PLXNA2: variants seen among roughly 807,000 people sequenced by gnomAD.
PLXNA2 encodes the protein plexin-A2.
In PLXNA2, 91 loss-of-function variants were observed where a neutral mutation model predicts 193.5. The observed-to-expected ratio is 0.47, with a 90% CI of 0.40 to 0.56. The LOEUF is 0.56. PLXNA2 is among the 20% of genes least tolerant of loss of function. PLXNA2 has a pLI of 0.00. For missense variants in PLXNA2, 1,995 were observed against 2,503.2 expected (o/e 0.80, Z 4.33); for synonymous variants, 997 against 1,027.3 (o/e 0.97, Z 0.56).
rs148696030 is a variant in PLXNA2 at position 208,212,819 on chromosome 1, G to A, written c.1189-2357C>T. Among the ~76,000 whole-genome samples the A allele has an allele frequency of 6.3e-3, 964 of 152,216 alleles. 8 individuals are homozygous for A. The highest frequency in any genetic ancestry group is 0.01 in the Middle Eastern group (3 of 294). Reference sequence around the variant, plus strand: ...TCCTCATCTCATCCCTACACTACACGCAGCTACTGCCCTGGCTAAGATGAA... The same window carrying A: ...TCCTCATCTCATCCCTACACTACACACAGCTACTGCCCTGGCTAAGATGAA... On this transcript the variant is annotated intron_variant, in intron 2 of 31. Transcript: ENST00000367033.
At chr1:208,222,208 A>G (rs1428372671) in intron 1 of PLXNA2, among the ~76,000 whole-genome samples, 3 of 151,918 alleles carry the variant, frequency 2.0e-5, no homozygotes, top group South Asian at 2.1e-4. Context: ...CCTATCCCCA[A>G]TTTTCTGCTA....
At chr1:208,232,323 G>C (rs1475521068) in intron 1 of PLXNA2, among the ~76,000 whole-genome samples, 1 of 152,204 alleles carries the variant, frequency 6.6e-6, no homozygotes, top group Non-Finnish European at 1.5e-5. Flanking sequence ...TGCAGTCCCT[G>C]CAGCCAGCCC....
chr1:208,144,404 G>A (rs112192418), intron 3 of PLXNA2, among the ~76,000 whole-genome samples: 7,861 of 152,282 alleles, frequency 0.052, 275 homozygotes, highest in Non-Finnish European at 0.076. Context: ...TTGAACCAGG[G>A]CTTGGTCTGT....
intron 26 of PLXNA2, among the ~76,000 whole-genome samples, chr1:208,037,686 C>T (rs951166700): frequency 1.8e-4 from 27 of 151,948 alleles, no homozygotes; most frequent in East Asian, 1.7e-3. Context: ...GGAGAAGAGG[C>T]GGGAGTAGAT....
chr1:208,059,268 C>A (rs1420105913), intron 13 of PLXNA2, among the ~76,000 whole-genome samples: 1 of 152,238 alleles, frequency 6.6e-6, no homozygotes. Flanking sequence ...CTATTTGTTT[C>A]CTTTCCCTTT....
chr1:208,211,501 G>A (rs1337975172), intron 2 of PLXNA2, among the ~76,000 whole-genome samples: 1 of 152,140 alleles, frequency 6.6e-6, no homozygotes, highest in African/African-American at 2.4e-5. Context: ...AGACCATTCT[G>A]GCCAACATAG....
chr1:208,244,311 G>T lies in PLXNA2; in HGVS notation c.-749C>A. 2.7e-5 allele frequency: 1 copy of T among 37,678 alleles called. No homozygotes were observed. 2.3% of individuals were successfully genotyped at this position (37,678 alleles called of 1,614,324 possible). A position where few individuals can be genotyped will look rare whatever the true frequency, so the allele number is the denominator to read the frequency against. On this transcript the variant is annotated 5_prime_UTR_variant, in exon 1 of 32. Coordinates refer to ENST00000367033, the MANE Select transcript of PLXNA2 (RefSeq NM_025179.4). ...CAGCTCTGGCTCCCGCGGTGGCGGC[G>T]GCGGCGGCGGCGGCGGCGGCGGCGG...
At chr1:208,061,705 C>T (rs944436212) in intron 12 of PLXNA2, among the ~76,000 whole-genome samples, 12 of 152,174 alleles carry the variant, frequency 7.9e-5, no homozygotes, top group African/African-American at 2.4e-4. Flanking sequence ...TAGCAGAATC[C>T]AGGTCTCTCA....
intron 3 of PLXNA2, among the ~76,000 whole-genome samples, chr1:208,146,017 G>T (rs754151154): frequency 1.3e-5 from 2 of 152,130 alleles, no homozygotes; most frequent in South Asian, 4.1e-4. Flanking sequence ...TTCAAGATAC[G>T]TATAGGGGGT....
Position 208,028,263 on chromosome 1 carries a change from C to T in PLXNA2, c.5439-104G>A, listed in dbSNP as rs981835098. 11 of 1,051,076 alleles carry T rather than the reference C, an allele frequency of 1.0e-5. No homozygotes were observed. The highest frequency in any genetic ancestry group is 1.4e-5 in the Non-Finnish European group (10 of 734,444). The allele number at this position is 1,051,076 out of a possible 1,614,324, so 65.1% of individuals were successfully genotyped here. A position where few individuals can be genotyped will look rare whatever the true frequency, so the allele number is the denominator to read the frequency against. On this transcript the variant is annotated intron_variant, in intron 30 of 31. Coordinates refer to ENST00000367033, the MANE Select transcript of PLXNA2 (RefSeq NM_025179.4). This position sits in a 1 kb window ranked among gnomAD's most constrained non-coding sequence, Gnocchi z 4.2. ...GAGGGCACTGATGTACCCAGTTGCT[C>T]CTGCCTCCCTATTTCTCTTCTGATG... is the stretch of plus-strand genomic sequence containing the variant.
At chr1:208,112,670 T>C (rs571569917) in intron 4 of PLXNA2, among the ~76,000 whole-genome samples, 19 of 152,152 alleles carry the variant, frequency 1.2e-4, no homozygotes, top group Non-Finnish European at 2.8e-4. Context: ...GAGCTACGAT[T>C]GTTTATCTAT....
chr1:208,040,499 T>C (rs1011867914), intron 22 of PLXNA2, among the ~76,000 whole-genome samples: 4 of 152,204 alleles, frequency 2.6e-5, no homozygotes, highest in Non-Finnish European at 5.9e-5. Flanking sequence ...GGAAGGTGCC[T>C]GGTCCCTTCC....
Position 208,082,236 on chromosome 1 carries a change from C to T in PLXNA2, c.2395+176G>A, listed in dbSNP as rs1666368020. Reference sequence around the variant, plus strand: ...GCTCTGGTTGTAATAAAACAGGGCTCCCAACAGGACTCCTTTGATGACTCC... The same window carrying T: ...GCTCTGGTTGTAATAAAACAGGGCTTCCAACAGGACTCCTTTGATGACTCC... On this transcript the variant is annotated intron_variant, in intron 11 of 31. Transcript: ENST00000367033. This position sits in a 1 kb window ranked among gnomAD's most constrained non-coding sequence, Gnocchi z 4.2. 6.6e-6 allele frequency among the ~76,000 whole-genome samples: 1 copy of T among 152,124 alleles called. No homozygotes were observed. The highest frequency in any genetic ancestry group is 2.1e-4 in the South Asian group (1 of 4,824).
intron 3 of PLXNA2, among the ~76,000 whole-genome samples, chr1:208,187,440 G>A (rs1020464431): frequency 1.9e-4 from 29 of 152,262 alleles, no homozygotes; most frequent in African/African-American, 6.5e-4. Flanking sequence ...TGGAAGGGAG[G>A]GAAGCAGGAG....
intron 3 of PLXNA2, among the ~76,000 whole-genome samples, chr1:208,207,749 C>A (rs1054152196): frequency 6.6e-6 from 1 of 151,994 alleles, no homozygotes; most frequent in African/African-American, 2.4e-5. Context: ...GGGGTGGGAG[C>A]AAGTAAGCTG....
chr1:208,210,395 A>T lies in PLXNA2; in HGVS notation c.1256T>A (p.Val419Glu). ...INQPLGGSTP[V>E]EGLTLYTTSR... is the part of the protein sequence containing the mutation. Reference sequence around the variant, plus strand: ...GGTGGTGTACAGGGTCAGGCCCTCCACTGGAGTTGAGCCTCCCAGGGGCTG... The same window carrying T: ...GGTGGTGTACAGGGTCAGGCCCTCCTCTGGAGTTGAGCCTCCCAGGGGCTG... The change falls in exon 3 of 32, where the codon GTG becomes GAG. Residue 419 changes from valine to glutamate, a missense_variant. By Grantham distance (121) the Val-to-Glu change is moderately radical. Around this residue, in one of 3 missense-constraint regions of PLXNA2, gnomAD observed 702 missense variants for 812.9 expected, o/e 0.86. Coordinates refer to ENST00000367033, the MANE Select transcript of PLXNA2 (RefSeq NM_025179.4). 6.2e-7 allele frequency: 1 copy of T among 1,614,008 alleles called. No individual in the cohort carries two copies. Among genetic ancestry groups the T allele is most frequent in the East Asian group, 2.2e-5 (1 of 44,858 alleles).
intron 3 of PLXNA2, among the ~76,000 whole-genome samples, chr1:208,170,812 C>T (rs1352087773): frequency 1.3e-5 from 2 of 152,012 alleles, no homozygotes; most frequent in Admixed American, 1.3e-4. Flanking sequence ...TGATAAATAT[C>T]CTGGCAGTAT....
At chr1:208,188,724 A>G (rs11119005) in intron 3 of PLXNA2, among the ~76,000 whole-genome samples, 27,512 of 151,326 alleles carry the variant, frequency 0.18, 3,440 homozygotes, top group East Asian at 0.55. Context: ...AAAAAAAAAA[A>G]AAGAAAAAAA....
At chr1:208,176,529 C>T (rs1407336241) in intron 3 of PLXNA2, among the ~76,000 whole-genome samples, 30 of 152,134 alleles carry the variant, frequency 2.0e-4, no homozygotes, top group Admixed American at 2.0e-3. Context: ...AAAATATCAA[C>T]AAGAAAAAGT....
Sources: gnomAD v4.1 joint callset for allele counts (sites outside exome capture counted in the v4.1 genomes callset) on GRCh38, gnomAD v4.1.1 for gene constraint, gnomAD v4.1.1 regional missense constraint, Gnocchi (gnomAD v3.1) non-coding constraint, MANE v1.5 for transcripts, NCBI Gene and HGNC (gene_info 2026-07-23, HGNC 2026-07-21) for gene names.